Variants in NDUFA9 observed in about 807,000 individuals in gnomAD.
NDUFA9 encodes NADH dehydrogenase [ubiquinone] 1 alpha subcomplex subunit 9, mitochondrial.
Under a neutral mutation model 45.9 loss-of-function variants are expected in NDUFA9, and 23 were observed. That is an observed-to-expected ratio of 0.50 (90% confidence interval 0.36 to 0.71). The LOEUF (loss-of-function observed/expected upper bound fraction) is 0.71, where lower values mean the gene tolerates loss of function less well. Ranked by LOEUF, NDUFA9 falls within the 30% of genes least tolerant of loss-of-function variation. NDUFA9 has a pLI of 0.00. For synonymous variants in NDUFA9, 176 were observed against 170.5 expected, an observed-to-expected ratio of 1.03 and a Z score of -0.25; for missense variants, 466 against 488.2, an observed-to-expected ratio of 0.95 and a Z score of 0.43.
chr12:4,677,749 G>GGAAC (rs770708757), intron 8 of NDUFA9, among the ~76,000 whole-genome samples: 1 of 152,150 alleles, frequency 6.6e-6, no homozygotes, highest in Non-Finnish European at 1.5e-5. Flanking sequence ...GGATCTCGAA[G>GGAAC]TAGAAATACC....
At chr12:4,650,969 A>G (rs11063279) in intron 1 of NDUFA9, among the ~76,000 whole-genome samples, 13 of 152,210 alleles carry the variant, frequency 8.5e-5, no homozygotes, top group Non-Finnish European at 1.8e-4. Context: ...GGAGTTGTGC[A>G]AGAGGACCTA....
In NDUFA9 at chr12:4,669,629, CTCCT is replaced by C. The variant is rs536665062; in HGVS notation, c.724-94_724-91del. 5.7e-4 allele frequency: 376 copies of C among 662,818 alleles called. 2 individuals carry two copies. The highest frequency in any genetic ancestry group is 1.7e-3 in the East Asian group (61 of 35,696). 41.1% of individuals were successfully genotyped at this position (662,818 alleles called of 1,614,324 possible). On this transcript the variant is annotated intron_variant, in intron 7 of 10. Coordinates refer to ENST00000266544, the MANE Select transcript of NDUFA9 (RefSeq NM_005002.5). ...GAGATCAGTGTGGCCTTCCTCCTTT[CTCCT>C]TCCTTCCTTCCTTCCTTTTTCTCTT...
chr12:4,664,934 A>G (rs1945844646), intron 6 of NDUFA9, among the ~76,000 whole-genome samples: 1 of 152,150 alleles, frequency 6.6e-6, no homozygotes, highest in Non-Finnish European at 1.5e-5. Flanking sequence ...TAGAATAGGA[A>G]TGTCTATCTT....
In NDUFA9 at chr12:4,692,307, C is replaced by G. The variant is rs901759758; in HGVS notation, c.*5199C>G. 6.6e-6 allele frequency: 1 copy of G among 152,104 alleles called. No individual in the cohort carries two copies. The highest frequency in any genetic ancestry group is 1.5e-5 in the Non-Finnish European group (1 of 68,020). The allele number at this position is 152,104 out of a possible 1,614,324, so 9.4% of individuals were successfully genotyped here. ...CAATCCTCAAGATAGTGAGTTCTTA[C>G]AAGATCTGGTCATTTAAAAGTGTGA... On this transcript the variant is annotated 3_prime_UTR_variant, in exon 11 of 11. Coordinates refer to ENST00000266544, the MANE Select transcript of NDUFA9 (RefSeq NM_005002.5).
chr12:4,684,220 G>C (rs1214108661), intron 9 of NDUFA9, among the ~76,000 whole-genome samples: 3 of 152,156 alleles, frequency 2.0e-5, no homozygotes, highest in Non-Finnish European at 4.4e-5. Flanking sequence ...TTTATATGTT[G>C]CTGGAGAAAT....
intron 8 of NDUFA9, among the ~76,000 whole-genome samples, chr12:4,680,274 T>C (rs1247178215): frequency 6.6e-6 from 1 of 152,182 alleles, no homozygotes; most frequent in Non-Finnish European, 1.5e-5. Flanking sequence ...ATCAGTTCAA[T>C]TGTATTTCGT....
At chr12:4,676,965 G>A (rs1047100921) in intron 8 of NDUFA9, among the ~76,000 whole-genome samples, 2 of 152,128 alleles carry the variant, frequency 1.3e-5, no homozygotes, top group Non-Finnish European at 2.9e-5. Flanking sequence ...ATAGACCAAT[G>A]GGACAGAACA....
At chr12:4,658,964 A>G (rs919494552) in intron 4 of NDUFA9, 72 bp from the exon 5 acceptor site, 9 of 1,431,502 alleles carry the variant, frequency 6.3e-6, no homozygotes, top group African/African-American at 2.9e-5. Context: ...TATGAAAACC[A>G]TCTTATCACG....
At chr12:4,650,032 T>G (rs1351191450) in intron 1 of NDUFA9, among the ~76,000 whole-genome samples, 1 of 152,230 alleles carries the variant, frequency 6.6e-6, no homozygotes, top group Non-Finnish European at 1.5e-5. Context: ...CTTAGTGTAT[T>G]TTAGTCGTTA....
At chr12:4,669,878 A>ATCTG in intron 8 of NDUFA9, 61 bp downstream of exon 8, 1 of 1,158,374 alleles carries the variant, frequency 8.6e-7, no homozygotes, top group Non-Finnish European at 1.3e-6. Context: ...CAATATCTAA[A>ATCTG]TTAGTTACTA....
At position 4,692,442 on chromosome 12, in the gene NDUFA9, C is replaced by T. The variant is rs1235636902; in HGVS notation, c.*5334C>T. 2 of 152,254 alleles carry T rather than the reference C, an allele frequency of 1.3e-5. No homozygotes were observed. The highest frequency in any genetic ancestry group is 2.4e-5 in the African/African-American group (1 of 41,430). The allele number at this position is 152,254 out of a possible 1,614,324, so 9.4% of individuals were successfully genotyped here. On this transcript the variant is annotated 3_prime_UTR_variant, in exon 11 of 11. Coordinates refer to ENST00000266544, the MANE Select transcript of NDUFA9 (RefSeq NM_005002.5). ...CTGAAGCCTCCCCAGAAGCAGATGC[C>T]TATGTGACGCTTCCTGTACAGCCTG... is the stretch of plus-strand genomic sequence containing the variant.
At chr12:4,664,713 A>C (rs1471217111) in intron 6 of NDUFA9, among the ~76,000 whole-genome samples, 1 of 152,238 alleles carries the variant, frequency 6.6e-6, no homozygotes, top group African/African-American at 2.4e-5. Flanking sequence ...CTACCGCTTC[A>C]GTGGGTCCTG....
chr12:4,654,278 G>T lies in NDUFA9; in HGVS notation c.50-14G>T. On this transcript the variant is annotated splice_polypyrimidine_tract_variant and intron_variant, in intron 1 of 10. Transcript: ENST00000266544. The stretch of plus-strand genomic sequence containing the variant: ...ATATTTGCCATGCTTGTATACTTTG[G>T]GGTTTTGTTTAAGGTTCTGCCATTA... 1 of 1,604,134 alleles carries T rather than the reference G, an allele frequency of 6.2e-7. No individual in the cohort carries two copies. The highest frequency in any genetic ancestry group is 1.1e-5 in the South Asian group (1 of 90,410).
chr12:4,677,130 C>T (rs950198576), intron 8 of NDUFA9, among the ~76,000 whole-genome samples: 5 of 152,206 alleles, frequency 3.3e-5, no homozygotes, highest in African/African-American at 1.2e-4. Context: ...CCTTTCCTTA[C>T]ACCTGATACA....
rs1023616689 is a variant in NDUFA9, at chr12:4,692,067, G to A, written c.*4959G>A. 1 of 152,154 alleles carries A rather than the reference G, an allele frequency of 6.6e-6. No homozygotes were observed. The highest frequency in any genetic ancestry group is 6.5e-5 in the Admixed American group (1 of 15,280). The allele number at this position is 152,154 out of a possible 1,614,324, so 9.4% of individuals were successfully genotyped here. ...AACTGGCAAGAGGCTGAGGGAAGAT[G>A]TATGTCTCAAAGGGGAACTCAAATA... On this transcript the variant is annotated 3_prime_UTR_variant, in exon 11 of 11. Transcript: ENST00000266544.
chr12:4,665,638 A>G (rs1478452179), intron 6 of NDUFA9, among the ~76,000 whole-genome samples: 1 of 152,098 alleles, frequency 6.6e-6, no homozygotes, highest in Non-Finnish European at 1.5e-5. Context: ...TACTTTTTCG[A>G]CAAGCCACCA....
At chr12:4,667,510 C>CT in intron 6 of NDUFA9, 1 of 204,756 alleles carries the variant, frequency 4.9e-6, no homozygotes, top group South Asian at 4.4e-5. Context: ...ATAATTTCTA[C>CT]TCTTTTTTTT....
chr12:4,669,897 A>C (rs1302383256), intron 8 of NDUFA9, 80 bp downstream of exon 8: 12 of 1,056,268 alleles, frequency 1.1e-5, no homozygotes, highest in Non-Finnish European at 1.8e-5. Flanking sequence ...TAACAGATTT[A>C]TTTGTTGCAC....
At chr12:4,682,323 G>T in intron 9 of NDUFA9, 23 bp downstream of exon 9, 1 of 1,566,308 alleles carries the variant, frequency 6.4e-7, no homozygotes, top group Non-Finnish European at 8.8e-7. Context: ...CTCCTTTTGT[G>T]TGACTTCTGA....
Sources: allele counts gnomAD v4.1 joint callset (sites outside exome capture counted in the v4.1 genomes callset), GRCh38; gene constraint gnomAD v4.1.1; transcripts MANE v1.5; gene names NCBI Gene and HGNC (gene_info 2026-07-23, HGNC 2026-07-21).